Variants in NFXL1 observed in about 807,000 individuals in gnomAD.
NFXL1 encodes NF-X1-type zinc finger protein NFXL1.
NFXL1 carries 66 observed loss-of-function variants against 123.3 expected under a neutral mutation model. The observed-to-expected ratio is 0.54, with a 90% confidence interval of 0.44 to 0.66. NFXL1 has a LOEUF of 0.66. Ranked by LOEUF, NFXL1 falls within the 30% of genes least tolerant of loss-of-function variation. The pLI, the probability that NFXL1 is intolerant of heterozygous loss-of-function variation, is 0.00. For missense variants in NFXL1, 944 were observed against 1,125.6 expected, an observed-to-expected ratio of 0.84 and a Z score of 2.31; for synonymous variants, 346 against 360.8, an observed-to-expected ratio of 0.96 and a Z score of 0.46.
chr4:47,914,140 C>T lies in NFXL1; in HGVS notation c.64G>A (p.Ala22Thr), dbSNP rs989083520. 2.1e-5 allele frequency: 32 copies of T among 1,549,960 alleles called. No individual in the cohort carries two copies. Among genetic ancestry groups the T allele is most frequent in the African/African-American group, 2.7e-5 (2 of 72,884 alleles). The change falls in exon 2 of 23, where the codon GCC becomes ACC. Residue 22 changes from alanine to threonine, a missense_variant. By Grantham distance (58) the Ala-to-Thr change is moderately conservative (BLOSUM62 0). This residue lies in a region of NFXL1 where 303 missense variants were observed against 292.1 expected (regional missense o/e 1.04). Coordinates refer to ENST00000507489, the MANE Select transcript of NFXL1 (RefSeq NM_001278624.2). The part of the protein sequence containing the change: ...RGRSRGRATA[A>T]PSGNGVHLRG... Reference sequence around the variant, plus strand: ...AGATGGACTCCATTTCCTGAGGGGGCGGCAGTGGCCCGTCCCCGGGATCGG... The same window carrying T: ...AGATGGACTCCATTTCCTGAGGGGGTGGCAGTGGCCCGTCCCCGGGATCGG...
In NFXL1 at chr4:47,914,389, C is replaced by T; in HGVS notation, c.-27G>A. 3 of 533,878 alleles carry T rather than the reference C, an allele frequency of 5.6e-6. No homozygotes were observed. Among genetic ancestry groups the T allele is most frequent in the Non-Finnish European group, 9.9e-6 (3 of 301,520 alleles). 33.1% of individuals were successfully genotyped at this position (533,878 alleles called of 1,614,324 possible). On this transcript the variant is annotated 5_prime_UTR_variant, in exon 1 of 23. Transcript: ENST00000507489. ...CCGGAGGGCGAGTCCCCGCCAAGCC[C>T]GGGCTTTGGAGATGGACCGAAGAGG... is the stretch of plus-strand genomic sequence containing the variant.
intron 15 of NFXL1, among the ~76,000 whole-genome samples, chr4:47,879,885 A>G (rs942883999): frequency 3.3e-5 from 5 of 152,202 alleles, no homozygotes; most frequent in Non-Finnish European, 7.3e-5. Flanking sequence ...TGCAAAAAAA[A>G]CCTAGGCAGA....
chr4:47,868,687 AAAGT>A (rs1173418717), intron 18 of NFXL1, among the ~76,000 whole-genome samples: 1 of 152,234 alleles, frequency 6.6e-6, no homozygotes, highest in Non-Finnish European at 1.5e-5. Context: ...CAGTAATCAT[AAAGT>A]AATAATTCAG....
At chr4:47,850,462 A>T (rs1734058388) in intron 22 of NFXL1, among the ~76,000 whole-genome samples, 1 of 152,112 alleles carries the variant, frequency 6.6e-6, no homozygotes, top group Admixed American at 6.5e-5. Context: ...TCAAGATACA[A>T]ACTGACAAAT....
rs771073589 is a variant in NFXL1, at chr4:47,878,577, A to G, written c.2027T>C (p.Met676Thr). The change falls in exon 17 of 23, where the codon ATG becomes ACG. Residue 676 changes from methionine to threonine, a missense_variant. This residue lies in a region of NFXL1 where 301 missense variants were observed against 348.0 expected (regional missense o/e 0.86). Coordinates refer to ENST00000507489, the MANE Select transcript of NFXL1 (RefSeq NM_001278624.2). The stretch of plus-strand genomic sequence containing the variant: ...TTTGGTTACTTTGTGGCATTCTTTC[A>G]TACATGTGTGATTCTGACAATCCAA... ...RILDCQNHTC[M>T]KECHKVTKTD... The G allele has an allele frequency of 3.7e-6, 6 of 1,607,734 alleles. No homozygotes were observed. The Admixed American group carries it at 6.8e-5, about 18-fold the overall frequency.
chr4:47,908,907 A>G (rs935437346), intron 3 of NFXL1, among the ~76,000 whole-genome samples: 8 of 138,246 alleles, frequency 5.8e-5, no homozygotes, highest in African/African-American at 2.1e-4. Context: ...GTGAGCTGAG[A>G]TTGCGCCACT....
At chr4:47,891,540 T>C (rs1365419022) in intron 11 of NFXL1, among the ~76,000 whole-genome samples, 2 of 152,168 alleles carry the variant, frequency 1.3e-5, no homozygotes, top group South Asian at 2.1e-4. Flanking sequence ...GTGAGAAATA[T>C]AGCTATCTAT....
At chr4:47,850,996 G>C (rs2110022687) in intron 22 of NFXL1, 99 bp downstream of exon 22, 1 of 841,994 alleles carries the variant, frequency 1.2e-6, no homozygotes, top group South Asian at 1.5e-5. Flanking sequence ...GTTCACAATA[G>C]AGACTAGACC....
intron 19 of NFXL1, 75 bp from the exon 20 acceptor site, chr4:47,855,238 A>C: frequency 1.3e-6 from 1 of 749,064 alleles, no homozygotes; most frequent in Non-Finnish European, 2.2e-6. Flanking sequence ...TACCCCAACA[A>C]TTTTAAGAGA....
At chr4:47,904,180 C>T (rs1737462571) in intron 4 of NFXL1, among the ~76,000 whole-genome samples, 1 of 152,072 alleles carries the variant, frequency 6.6e-6, no homozygotes, top group African/African-American at 2.4e-5. Flanking sequence ...CCACTAAGGG[C>T]CACAGAAGCT....
intron 15 of NFXL1, among the ~76,000 whole-genome samples, chr4:47,880,807 T>TAAAAAAAAAA (rs57880960): frequency 1.1e-4 from 9 of 78,826 alleles, no homozygotes; most frequent in East Asian, 4.0e-4. Flanking sequence ...AATTAATGAG[T>TAAAAAAAAAA]AAAAAAAAAA....
At chr4:47,851,267 T>C in intron 21 of NFXL1, 119 bp from the exon 22 acceptor site, 2 of 692,924 alleles carry the variant, frequency 2.9e-6, no homozygotes, top group Admixed American at 2.5e-5. Flanking sequence ...CTTGAAATCA[T>C]TTAAAGAAAT....
rs769714015 is a variant in NFXL1 at position 47,878,715 on chromosome 4, G to A, written c.1939-50C>T. On this transcript the variant is annotated intron_variant, in intron 16 of 22. Coordinates refer to ENST00000507489, the MANE Select transcript of NFXL1 (RefSeq NM_001278624.2). The stretch of plus-strand genomic sequence containing the variant: ...CAGCACACATTACTCAAACGTTTCT[G>A]GACATATTATATGTTTCCAAAATTA... The A allele has an allele frequency of 4.4e-6, 6 of 1,361,548 alleles. No homozygotes were observed. The East Asian group carries it at 1.6e-4, about 36-fold the overall frequency. 84.3% of individuals were successfully genotyped at this position (1,361,548 alleles called of 1,614,324 possible). A position where few individuals can be genotyped will look rare whatever the true frequency, so the allele number is the denominator to read the frequency against.
chr4:47,908,832 G>A (rs1247573507), intron 3 of NFXL1, among the ~76,000 whole-genome samples: 1 of 151,556 alleles, frequency 6.6e-6, no homozygotes, highest in African/African-American at 2.4e-5. Flanking sequence ...GCGGGCACCT[G>A]TAGTCCCAGC....
rs779169051 is a variant in NFXL1 at position 47,884,430 on chromosome 4, G to A, written c.1832C>T (p.Pro611Leu). 6.3e-7 allele frequency: 1 copy of A among 1,599,362 alleles called. No individual in the cohort carries two copies. The highest frequency in any genetic ancestry group is 8.6e-7 in the Non-Finnish European group (1 of 1,169,334). ...AGAAGGCTGTTCCCAAGGGCCTGTA[G>A]GCTGGTGCTACAAATAAAATACATA... Reference protein sequence around the residue: ...ALIKQTGRHQPTGPWEQPSEP... With the variant: ...ALIKQTGRHQLTGPWEQPSEP... The change falls in exon 15 of 23, where the codon CCT becomes CTT. Residue 611 changes from proline (P) to leucine (L), a missense_variant. Pro to Leu is a moderately conservative substitution (Grantham distance 98, BLOSUM62 -3). Coordinates refer to ENST00000507489, the MANE Select transcript of NFXL1 (RefSeq NM_001278624.2).
At chr4:47,884,087 C>T (rs6811385) in intron 15 of NFXL1, among the ~76,000 whole-genome samples, 11,608 of 152,080 alleles carry the variant, frequency 0.076, 679 homozygotes, top group East Asian at 0.31. Context: ...TGCATGCACT[C>T]GCTATGGAAA....
At position 47,878,675 on chromosome 4, in the gene NFXL1, T is replaced by A. The variant is rs1178565833; in HGVS notation, c.1939-10A>T. On this transcript the variant is annotated splice_polypyrimidine_tract_variant and intron_variant, in intron 16 of 22. Transcript: ENST00000507489. ...ATGGTAGTGGACTCACCTTAAAAAA[T>A]AAAGGAAATCAGCACAGCACACATT... 19 of 1,514,646 alleles carry A rather than the reference T, an allele frequency of 1.3e-5. No homozygotes were observed. The highest frequency in any genetic ancestry group is 4.3e-5 in the African/African-American group (3 of 70,568). 93.8% of individuals were successfully genotyped at this position (1,514,646 alleles called of 1,614,324 possible).
rs185334800 is a variant in NFXL1, at chr4:47,849,624, G to A, written c.2563-1288C>T. On this transcript the variant is annotated intron_variant, in intron 22 of 22. Transcript: ENST00000507489. ...GGTTAGTTTCTGACATATAAAAAAC[G>A]TCAAAATATCTTAAAAGCAGGCAAA... Among the ~76,000 whole-genome samples the A allele has an allele frequency of 1.9e-3, 284 of 152,226 alleles. 1 individual carries two copies. Among genetic ancestry groups the A allele is most frequent in the Non-Finnish European group, 3.4e-3 (228 of 68,004 alleles).
chr4:47,899,887 G>A (rs1389037972), intron 5 of NFXL1, among the ~76,000 whole-genome samples: 2 of 152,168 alleles, frequency 1.3e-5, no homozygotes, highest in East Asian at 3.8e-4. Context: ...TACTGAAACA[G>A]CTACATGTGG....
Sources: allele counts gnomAD v4.1 joint callset (sites outside exome capture counted in the v4.1 genomes callset), GRCh38; gene constraint gnomAD v4.1.1; regional missense constraint gnomAD v4.1.1; transcripts MANE v1.5; gene names NCBI Gene and HGNC (gene_info 2026-07-23, HGNC 2026-07-21).